Variants in ERBB4 observed in about 807,000 individuals in gnomAD.
ERBB4 encodes receptor tyrosine-protein kinase erbB-4.
Under a neutral mutation model 158.0 loss-of-function variants are expected in ERBB4, and 42 were observed. The ratio of observed to expected loss-of-function variants is 0.27; its 90% CI spans 0.21 to 0.34. The LOEUF (loss-of-function observed/expected upper bound fraction) is 0.34, where lower values mean the gene tolerates loss of function less well. Ranked by LOEUF, ERBB4 falls within the 10% of genes least tolerant of loss-of-function variation. The pLI, the probability that ERBB4 is intolerant of heterozygous loss-of-function variation, is 1.00. For synonymous variants in ERBB4, 583 were observed against 558.7 expected (o/e 1.04, Z -0.61); for missense variants, 1,333 against 1,624.1 (o/e 0.82, Z 3.08).
intron 3 of ERBB4, among the ~76,000 whole-genome samples, chr2:211,805,800 CAA>C (rs950750448): frequency 6.6e-6 from 1 of 150,604 alleles, no homozygotes; most frequent in African/African-American, 2.4e-5. Flanking sequence ...GAAAAAAATA[CAA>C]AAAAAATTCT....
chr2:211,953,058 C>T (rs928231641), intron 2 of ERBB4, among the ~76,000 whole-genome samples: 1 of 151,968 alleles, frequency 6.6e-6, no homozygotes. Flanking sequence ...TGGCGCTGAA[C>T]ATTTAATAAT....
At chr2:212,198,998 C>T (rs1403054842) in intron 1 of ERBB4, among the ~76,000 whole-genome samples, 1 of 152,004 alleles carries the variant, frequency 6.6e-6, no homozygotes, top group Non-Finnish European at 1.5e-5. Context: ...GTTCGAGTCT[C>T]CACTTTCAAT....
chr2:211,622,698 G>A (rs1371678419), intron 18 of ERBB4, among the ~76,000 whole-genome samples: 1 of 151,604 alleles, frequency 6.6e-6, no homozygotes, highest in African/African-American at 2.4e-5. Flanking sequence ...GGGCATGGTG[G>A]CTCATGCCTC....
chr2:212,361,897 G>T (rs2089700217), intron 1 of ERBB4, among the ~76,000 whole-genome samples: 1 of 151,502 alleles, frequency 6.6e-6, no homozygotes, highest in African/African-American at 2.4e-5. Flanking sequence ...AGGGTAACAA[G>T]GTTTCTAACT....
intron 2 of ERBB4, among the ~76,000 whole-genome samples, chr2:211,998,893 T>C (rs998681976): frequency 7.2e-5 from 11 of 151,926 alleles, no homozygotes; most frequent in African/African-American, 2.7e-4. Flanking sequence ...CTACTATGAT[T>C]ACCTTTATGT....
chr2:212,162,614 T>C (rs183583253), intron 1 of ERBB4, among the ~76,000 whole-genome samples: 4 of 152,066 alleles, frequency 2.6e-5, no homozygotes, highest in Non-Finnish European at 5.9e-5. Flanking sequence ...TATTTAGTAG[T>C]ATGCAAGCTA....
intron 16 of ERBB4, among the ~76,000 whole-genome samples, chr2:211,651,720 A>C (rs1472838516): frequency 1.3e-5 from 2 of 152,126 alleles, no homozygotes; most frequent in African/African-American, 4.8e-5. Context: ...GGGCTGGTTC[A>C]TGACAAGGAA....
rs577973680 is a variant in ERBB4, at chr2:211,575,444, T to C, written c.2302-13356A>G. On this transcript the variant is annotated intron_variant, in intron 19 of 27. Transcript: ENST00000342788. ...GAATGGGAGAATGTGAATCTAAAAG[T>C]GCTGAATCAATATTTTTGAAACTTA... Among the ~76,000 whole-genome samples, 134 of 152,318 alleles carry C rather than the reference T, an allele frequency of 8.8e-4. 1 individual carries two copies. Among genetic ancestry groups the C allele is most frequent in the African/African-American group, 3.1e-3 (127 of 41,578 alleles).
At chr2:211,635,251 C>G (rs2125883430) in intron 16 of ERBB4, among the ~76,000 whole-genome samples, 1 of 152,282 alleles carries the variant, frequency 6.6e-6, no homozygotes, top group East Asian at 1.9e-4. Context: ...TATTATGAAA[C>G]TGATATCCTC....
At chr2:211,738,192 T>C (rs540813223) in intron 5 of ERBB4, among the ~76,000 whole-genome samples, 101 of 152,248 alleles carry the variant, frequency 6.6e-4, no homozygotes, top group African/African-American at 2.2e-3. Context: ...AGGAGTTATC[T>C]GAATATGTTT....
intron 1 of ERBB4, among the ~76,000 whole-genome samples, chr2:212,232,602 G>A (rs1304665386): frequency 1.3e-5 from 2 of 152,096 alleles, no homozygotes; most frequent in Non-Finnish European, 2.9e-5. Context: ...TAGAGACGGG[G>A]TTTCACCGTG....
At chr2:211,798,646 A>G (rs938955683) in intron 3 of ERBB4, among the ~76,000 whole-genome samples, 2 of 152,152 alleles carry the variant, frequency 1.3e-5, no homozygotes, top group African/African-American at 4.8e-5. Context: ...TTTAAAACCT[A>G]TGTACATTGG....
At chr2:212,144,188 T>G (rs1448913033) in intron 1 of ERBB4, among the ~76,000 whole-genome samples, 2 of 152,170 alleles carry the variant, frequency 1.3e-5, no homozygotes, top group South Asian at 2.1e-4. Context: ...GATTTTACTT[T>G]GAACGTGAAT....
intron 14 of ERBB4, among the ~76,000 whole-genome samples, chr2:211,667,180 G>GC (rs5838275): frequency 0.29 from 44,427 of 151,892 alleles, 7,859 homozygotes; most frequent in African/African-American, 0.49. Flanking sequence ...GCTGTCCTGG[G>GC]TGCATGTGGC....
intron 12 of ERBB4, among the ~76,000 whole-genome samples, chr2:211,685,476 CTGTG>C (rs2072526935): frequency 6.6e-6 from 1 of 152,150 alleles, no homozygotes; most frequent in South Asian, 2.1e-4. Context: ...TTTTATTGAT[CTGTG>C]TATTATCCTC....
At chr2:211,742,944 A>G (rs1039061988) in intron 5 of ERBB4, among the ~76,000 whole-genome samples, 1 of 151,590 alleles carries the variant, frequency 6.6e-6, no homozygotes, top group Non-Finnish European at 1.5e-5. Context: ...AGACTATCAT[A>G]AGTAAGTAAG....
At chr2:212,477,147 C>T (rs1689446064) in intron 1 of ERBB4, among the ~76,000 whole-genome samples, 1 of 152,026 alleles carries the variant, frequency 6.6e-6, no homozygotes, top group South Asian at 2.1e-4. Context: ...AATAACTACT[C>T]AAAACTTCAT....
chr2:212,069,426 G>A (rs191234443), intron 2 of ERBB4, among the ~76,000 whole-genome samples: 58 of 151,982 alleles, frequency 3.8e-4, no homozygotes, highest in African/African-American at 1.3e-3. Flanking sequence ...AACCTGAAAC[G>A]GACATCTATA....
chr2:211,781,910 T>C (rs1265430662), intron 4 of ERBB4, among the ~76,000 whole-genome samples: 1 of 152,122 alleles, frequency 6.6e-6, no homozygotes, highest in African/African-American at 2.4e-5. Flanking sequence ...TGGTGCCCAG[T>C]CAATGCACTG....
Sources: gnomAD v4.1 joint callset for allele counts (sites outside exome capture counted in the v4.1 genomes callset) on GRCh38, gnomAD v4.1.1 for gene constraint, MANE v1.5 for transcripts, NCBI Gene and HGNC (gene_info 2026-07-23, HGNC 2026-07-21) for gene names.